Variants in PSG11 observed in about 807,000 individuals in gnomAD.
PSG11 encodes pregnancy specific beta-1-glycoprotein 11.
In PSG11, 42 loss-of-function variants were observed where a neutral mutation model predicts 36.0. The observed-to-expected ratio is 1.17, with a 90% CI of 0.91 to 1.51. The LOEUF (loss-of-function observed/expected upper bound fraction) is 1.51. PSG11 is among the 40% of genes most tolerant of loss of function. The probability of loss-of-function intolerance (pLI) is 0.00; values close to 1 mark genes in which losing one functional copy is unlikely to be tolerated. For missense variants in PSG11, 558 were observed against 403.5 expected, an observed-to-expected ratio of 1.38 and a Z score of -3.28; for synonymous variants, 206 against 153.5, an observed-to-expected ratio of 1.34 and a Z score of -2.53.
Position 43,024,277 on chromosome 19 carries a change from C to G in PSG11, c.430+414G>C, listed in dbSNP as rs182224905. On this transcript the variant is annotated intron_variant, in intron 2 of 5. Transcript: ENST00000320078. Reference sequence around the variant, plus strand: ...ACAGGCTCCTCAGCTTTATCTGGAACAAGGATTTAGGTACAGAGTTCTGGG... The same window carrying G: ...ACAGGCTCCTCAGCTTTATCTGGAAGAAGGATTTAGGTACAGAGTTCTGGG... Among the ~76,000 whole-genome samples the G allele has an allele frequency of 5.3e-4, 80 of 151,400 alleles. 1 individual carries two copies. The highest frequency in any genetic ancestry group is 1.5e-3 in the Admixed American group (22 of 15,172).
rs546431071 is a variant in PSG11, at chr19:43,008,408, G to T, written c.*41-366C>A. ...CTGCCTCAGCCTCCTGAGTAGCTGG[G>T]ACTACAGGTGCCTGCCACCACACCC... On this transcript the variant is annotated intron_variant, in intron 5 of 5. Transcript: ENST00000320078. 6.4e-4 allele frequency among the ~76,000 whole-genome samples: 97 copies of T among 151,126 alleles called. 5 individuals carry two copies. The highest frequency in any genetic ancestry group is 2.4e-3 in the African/African-American group (97 of 40,938).
chr19:43,021,983 C>T (rs1253831406), intron 2 of PSG11, among the ~76,000 whole-genome samples: 1 of 151,384 alleles, frequency 6.6e-6, no homozygotes, highest in Non-Finnish European at 1.5e-5. Context: ...CATTCCTGCA[C>T]ATAGACAAGG....
intron 4 of PSG11, chr19:43,014,577 C>T: frequency 5.0e-6 from 5 of 1,007,204 alleles, no homozygotes; most frequent in Non-Finnish European, 5.9e-6. Context: ...TTTCTCCACA[C>T]ATGCTGGTCC....
chr19:43,022,598 A>T (rs1967128288), intron 2 of PSG11, among the ~76,000 whole-genome samples: 1 of 151,282 alleles, frequency 6.6e-6, no homozygotes, highest in Non-Finnish European at 1.5e-5. Flanking sequence ...ATTTCAATAA[A>T]TTTGTGTGTT....
At chr19:43,023,427 A>C (rs1267988942) in intron 2 of PSG11, among the ~76,000 whole-genome samples, 1 of 150,964 alleles carries the variant, frequency 6.6e-6, no homozygotes, top group East Asian at 1.9e-4. Context: ...TGACAGTGAC[A>C]TGGACACTTT....
chr19:43,010,855 C>T (rs1017955473), intron 4 of PSG11: 2 of 147,384 alleles, frequency 1.4e-5, no homozygotes, highest in South Asian at 2.2e-4. Flanking sequence ...TAGTCAGTAG[C>T]CTTGTTCTAG....
intron 2 of PSG11, among the ~76,000 whole-genome samples, chr19:43,023,756 C>T (rs1231038190): frequency 6.6e-6 from 1 of 151,212 alleles, no homozygotes; most frequent in African/African-American, 2.4e-5. Flanking sequence ...GATTCAGTGA[C>T]TGTGCCTTCC....
rs1016075922 is a variant in PSG11 at position 43,017,594 on chromosome 19, A to C, written c.709+1176T>G. The C allele has an allele frequency of 4.0e-5, 6 of 151,416 alleles. 2 individuals carry two copies. Among genetic ancestry groups the C allele is most frequent in the African/African-American group, 1.5e-4 (6 of 41,024 alleles). The allele number at this position is 151,416 out of a possible 1,614,324, so 9.4% of individuals were successfully genotyped here. On this transcript the variant is annotated intron_variant, in intron 3 of 5. Coordinates refer to ENST00000320078, the MANE Select transcript of PSG11 (RefSeq NM_002785.3). ...AGTGTTTCTGTTGTGGCAGTCATTA[A>C]TAAGTGCCTGTCAGGTCAGATTTAG...
chr19:43,012,119 GAA>G lies in PSG11; in HGVS notation c.965-2080_965-2079del, dbSNP rs1974092495. Among the ~76,000 whole-genome samples, 4 of 150,932 alleles carry G rather than the reference GAA, an allele frequency of 2.7e-5. No homozygotes were observed. The South Asian group carries it at 8.4e-4, about 32-fold the overall frequency. Reference sequence around the variant, plus strand: ...GATGAAATTCAATATTTTTTCATAAGAAAAACATTCTAAGAATGGAAGGAAAC... The same window carrying G: ...GATGAAATTCAATATTTTTTCATAAGAAACATTCTAAGAATGGAAGGAAAC... On this transcript the variant is annotated intron_variant, in intron 4 of 5. Coordinates refer to ENST00000320078, the MANE Select transcript of PSG11 (RefSeq NM_002785.3).
chr19:43,024,638 T>G (rs199866948), intron 2 of PSG11, 53 bp downstream of exon 2: 1 of 1,608,950 alleles, frequency 6.2e-7, no homozygotes, highest in Non-Finnish European at 8.5e-7. Flanking sequence ...GTGTGTGTGA[T>G]GTAGAAGTGA....
chr19:43,014,740 G>C (rs1966914772), intron 4 of PSG11: 4 of 1,228,296 alleles, frequency 3.3e-6, no homozygotes, highest in African/African-American at 1.6e-5. Context: ...GATGTTCCTT[G>C]TAGTTCATGG....
At chr19:43,014,007 T>G (rs1171170613) in intron 4 of PSG11, 1 of 151,318 alleles carries the variant, frequency 6.6e-6, no homozygotes, top group Non-Finnish European at 1.5e-5. Context: ...CTAACTGAAA[T>G]AAGCCAGACA....
intron 2 of PSG11, among the ~76,000 whole-genome samples, chr19:43,021,597 C>A (rs1006867850): frequency 3.3e-5 from 5 of 151,422 alleles, no homozygotes; most frequent in Non-Finnish European, 7.4e-5. Flanking sequence ...GTGCCTGCCC[C>A]AGTCTCCCAA....
chr19:43,015,169 C>A lies in PSG11; in HGVS notation c.911G>T (p.Arg304Leu), dbSNP rs770296835. 7 of 1,611,798 alleles carry A rather than the reference C, an allele frequency of 4.3e-6. 1 individual carries two copies. The highest frequency in any genetic ancestry group is 3.3e-5 in the Admixed American group (2 of 59,872). The change falls in exon 4 of 6, where the codon CGT becomes CTT. Residue 304 changes from arginine to leucine, a missense_variant. Transcript: ENST00000320078. ...GCTTTCCTCGCCAGTGGCTGAGTTA[C>A]GAGCAGAGCAAGCATAGAGCCCATT... Reference protein sequence around the residue: ...KHNGLYACSARNSATGEESST... With the variant: ...KHNGLYACSALNSATGEESST...
chr19:43,022,883 A>T lies in PSG11; in HGVS notation c.430+1808T>A, dbSNP rs1174514169. On this transcript the variant is annotated intron_variant, in intron 2 of 5. Transcript: ENST00000320078. ...GCCACAGTGTTAGCGGGAAGGGAAT[A>T]GAACAGCCAGCCTAGTTAGAGGGAG... Among the ~76,000 whole-genome samples, 8 of 150,504 alleles carry T rather than the reference A, an allele frequency of 5.3e-5. No individual in the cohort carries two copies. The East Asian group carries it at 1.2e-3, about 22-fold the overall frequency.
At position 43,017,270 on chromosome 19, in the gene PSG11, G is replaced by T. The variant is rs1216738247; in HGVS notation, c.709+1500C>A. On this transcript the variant is annotated intron_variant, in intron 3 of 5. Coordinates refer to ENST00000320078, the MANE Select transcript of PSG11 (RefSeq NM_002785.3). ...GACATTTTTTGATTCTGAAATATTT[G>T]TCATATACTTACTGGTTTAGCATCC... 1.9e-4 allele frequency: 29 copies of T among 151,470 alleles called. 2 individuals carry two copies. The highest frequency in any genetic ancestry group is 1.9e-3 in the Admixed American group (29 of 15,182). The allele number at this position is 151,470 out of a possible 1,614,324, so 9.4% of individuals were successfully genotyped here. A position where few individuals can be genotyped will look rare whatever the true frequency, so the allele number is the denominator to read the frequency against.
Position 43,026,348 on chromosome 19 carries a change from A to C in PSG11, c.25T>G (p.Cys9Gly). The stretch of plus-strand genomic sequence containing the variant: ...CCCTTCCATTTGATGTGCTCTGTGC[A>C]GGGAGGGGCTGAGAGGGGCCCCATG... Reference protein sequence around the residue: MGPLSAPPCTEHIKWKGLL... With the variant: MGPLSAPPGTEHIKWKGLL... Residue 9 changes from cysteine to glycine, a missense_variant, in exon 1 of 6, where the codon TGC becomes GGC. Physicochemically the swap from Cys to Gly is radical, Grantham distance 159. Transcript: ENST00000320078. 5 of 1,610,836 alleles carry C rather than the reference A, an allele frequency of 3.1e-6. No homozygotes were observed. The highest frequency in any genetic ancestry group is 4.2e-6 in the Non-Finnish European group (5 of 1,178,504).
chr19:43,024,603 G>A lies in PSG11; in HGVS notation c.430+88C>T. The stretch of plus-strand genomic sequence containing the variant: ...GGGACATAATGCAGAGAGGGACACA[G>A]GCAATGTCCAGGCCTGACAATCCTG... On this transcript the variant is annotated intron_variant, in intron 2 of 5. Coordinates refer to ENST00000320078, the MANE Select transcript of PSG11 (RefSeq NM_002785.3). The A allele has an allele frequency of 4.4e-6, 7 of 1,600,840 alleles. 1 individual carries two copies. The Admixed American group carries it at 1.2e-4, about 27-fold the overall frequency.
At chr19:43,026,258 C>T (rs1967252581) in intron 1 of PSG11, 51 bp downstream of exon 1, 4 of 1,606,064 alleles carry the variant, frequency 2.5e-6, no homozygotes, top group Non-Finnish European at 3.4e-6. Context: ...AGACCCCATC[C>T]AGTCACTCTG....
Sources: gnomAD v4.1 joint callset for allele counts (sites outside exome capture counted in the v4.1 genomes callset) on GRCh38, gnomAD v4.1.1 for gene constraint, MANE v1.5 for transcripts, NCBI Gene and HGNC (gene_info 2026-07-23, HGNC 2026-07-21) for gene names.